Variants in ZNF536 observed in about 807,000 individuals in gnomAD.
ZNF536 encodes zinc finger protein 536.
A neutral mutation model predicts 84.5 loss-of-function variants in ZNF536; 13 were observed. The observed-to-expected ratio is 0.15, with a 90% CI of 0.10 to 0.24. The LOEUF (loss-of-function observed/expected upper bound fraction) is 0.24. ZNF536 is among the 10% of genes least tolerant of loss of function. The pLI, the probability that ZNF536 is intolerant of heterozygous loss-of-function variation, is 1.00. For missense variants in ZNF536, 1,536 were observed against 1,747.5 expected, an observed-to-expected ratio of 0.88 and a Z score of 2.16; for synonymous variants, 811 against 742.5, an observed-to-expected ratio of 1.09 and a Z score of -1.50.
chr19:30,705,841 T>C (rs1021996442), intron 1 of ZNF536, among the ~76,000 whole-genome samples: 3 of 152,220 alleles, frequency 2.0e-5, no homozygotes, highest in Non-Finnish European at 4.4e-5. Context: ...ATGAAACCAA[T>C]TCAATACTAA....
rs1311558883 is a variant in ZNF536, at chr19:30,228,991, A to G, written c.-190+318A>G. Among the ~76,000 whole-genome samples the G allele has an allele frequency of 6.6e-6, 1 of 151,422 alleles. No individual in the cohort carries two copies. The highest frequency in any genetic ancestry group is 2.4e-5 in the African/African-American group (1 of 41,188). On this transcript the variant is annotated intron_variant, in intron 1 of 5. Transcript: ENST00000585628. The surrounding 1 kb of genome is among the most constrained non-coding windows in gnomAD (Gnocchi z 4.5). ...CATCTTGCCTGGGTCGGGGGCGGGC[A>G]GTCGGTCCCAGTGGCCGCCGCTGAG... is the stretch of plus-strand genomic sequence containing the variant.
At chr19:30,362,162 C>A (rs1160175020) in intron 3 of ZNF536, among the ~76,000 whole-genome samples, 2 of 152,188 alleles carry the variant, frequency 1.3e-5, no homozygotes, top group Non-Finnish European at 2.9e-5. Flanking sequence ...GCCCAGCCTC[C>A]CTGGAACCAA....
intron 2 of ZNF536, among the ~76,000 whole-genome samples, chr19:30,347,126 A>C (rs2047771230): frequency 7.4e-6 from 1 of 134,436 alleles, no homozygotes; most frequent in Non-Finnish European, 1.6e-5. Context: ...TTTTTATATG[A>C]TTCTTGGCCG....
chr19:30,276,759 C>T (rs997126581), intron 1 of ZNF536, among the ~76,000 whole-genome samples: 7 of 152,018 alleles, frequency 4.6e-5, no homozygotes, highest in African/African-American at 9.7e-5. Context: ...ACTGTTAAAC[C>T]GTAAATTCCG....
chr19:30,664,222 CT>C (rs1880294430), intron 1 of ZNF536, among the ~76,000 whole-genome samples: 1 of 75,084 alleles, frequency 1.3e-5, no homozygotes, highest in Non-Finnish European at 2.5e-5. Flanking sequence ...CTCTCTCTCT[CT>C]CTCTCTCTCT....
At chr19:30,238,235 C>T (rs542115756) in intron 1 of ZNF536, among the ~76,000 whole-genome samples, 2 of 152,298 alleles carry the variant, frequency 1.3e-5, no homozygotes, top group South Asian at 4.1e-4. Context: ...GAAGAAGTGC[C>T]ATTCCTCCTT....
At chr19:30,488,908 C>A (rs562934101) in intron 2 of ZNF536, among the ~76,000 whole-genome samples, 1 of 152,266 alleles carries the variant, frequency 6.6e-6, no homozygotes, top group African/African-American at 2.4e-5. Context: ...TATTATTGTT[C>A]CTCATTTTGT....
chr19:30,356,773 C>T (rs190712964), intron 3 of ZNF536, among the ~76,000 whole-genome samples: 380 of 152,336 alleles, frequency 2.5e-3, no homozygotes, highest in Non-Finnish European at 4.2e-3. Flanking sequence ...GATATCATCT[C>T]AATTAATCCT....
chr19:30,685,227 C>A (rs916970169), intron 1 of ZNF536, among the ~76,000 whole-genome samples: 3 of 152,170 alleles, frequency 2.0e-5, no homozygotes, highest in Non-Finnish European at 4.4e-5. Flanking sequence ...TCTGAGGGTG[C>A]GACTGCACCC....
At chr19:30,345,130 G>T (rs551121359) in intron 2 of ZNF536, among the ~76,000 whole-genome samples, 1 of 152,134 alleles carries the variant, frequency 6.6e-6, no homozygotes, top group Admixed American at 6.5e-5. Flanking sequence ...ACAACCTTAC[G>T]TGGTAGGTAC....
rs2052360859 is a variant in ZNF536, at chr19:30,709,120, G to A, written c.170-1637G>A. ...TTTACCAGTTCCTCGAGATGGTAGAGTCTGTGCATGGCTGTGACGCATCAG... is the reference window on the plus strand; with the variant it reads ...TTTACCAGTTCCTCGAGATGGTAGAATCTGTGCATGGCTGTGACGCATCAG... On this transcript the variant is annotated intron_variant, in intron 1 of 1. Coordinates refer to the ZNF536 transcript ENST00000592773. Among the ~76,000 whole-genome samples, 3 of 152,298 alleles carry A rather than the reference G, an allele frequency of 2.0e-5. No homozygotes were observed. The South Asian group carries it at 6.2e-4, about 32-fold the overall frequency.
chr19:30,554,975 G>A (rs2045915590), intron 4 of ZNF536: 2 of 152,234 alleles, frequency 1.3e-5, no homozygotes, highest in African/African-American at 2.4e-5. Flanking sequence ...AGCCAGAGAT[G>A]TGAGAGAGAC....
At chr19:30,545,098 G>A (rs1424598242) in intron 3 of ZNF536, among the ~76,000 whole-genome samples, 3 of 152,196 alleles carry the variant, frequency 2.0e-5, no homozygotes, top group Non-Finnish European at 2.9e-5. Flanking sequence ...GAAAGATCCC[G>A]AAACCAAGTT....
At position 30,301,418 on chromosome 19, in the gene ZNF536, G is replaced by T. The variant is rs559635113; in HGVS notation, c.-120+17277G>T. On this transcript the variant is annotated intron_variant, in intron 2 of 5. Transcript: ENST00000585628. Reference sequence around the variant, plus strand: ...AAAGGGCGACAGAAGGGATGCCCTGGGTCCCTTCTGTTATCACTCTGGGTA... The same window carrying T: ...AAAGGGCGACAGAAGGGATGCCCTGTGTCCCTTCTGTTATCACTCTGGGTA... 7.9e-5 allele frequency among the ~76,000 whole-genome samples: 12 copies of T among 152,258 alleles called. 1 individual carries two copies. Among genetic ancestry groups the T allele is most frequent in the African/African-American group, 2.9e-4 (12 of 41,570 alleles).
chr19:30,504,420 TTTCCTTCC>T lies in ZNF536; in HGVS notation c.2171-30409_2171-30402del, dbSNP rs34403079. 2.4e-3 allele frequency among the ~76,000 whole-genome samples: 280 copies of T among 115,200 alleles called. 1 individual carries two copies. The highest frequency in any genetic ancestry group is 9.3e-3 in the African/African-American group (240 of 25,756). 75.6% of individuals were successfully genotyped at this position (115,200 alleles called of 152,430 possible). On this transcript the variant is annotated intron_variant, in intron 2 of 4. Transcript: ENST00000355537. ...TCTCTCCCTCCTTCTCTCCTCCCTC[TTTCCTTCC>T]TTCCTTCCTTCCTTCCTCCCTTCCT...
At chr19:30,414,337 A>G (rs1051641394) in intron 1 of ZNF536, among the ~76,000 whole-genome samples, 1 of 152,138 alleles carries the variant, frequency 6.6e-6, no homozygotes, top group African/African-American at 2.4e-5. Flanking sequence ...TTTCTTTTTT[A>G]TACATGATTT....
chr19:30,410,465 CTTTTTTTT>C (rs201561646), intron 1 of ZNF536, among the ~76,000 whole-genome samples: 1 of 122,626 alleles, frequency 8.2e-6, no homozygotes, highest in Non-Finnish European at 1.6e-5. Flanking sequence ...AAGTGAAGGT[CTTTTTTTT>C]TTTTTTTTTT....
intron 1 of ZNF536, among the ~76,000 whole-genome samples, chr19:30,635,456 T>C (rs999229773): frequency 2.6e-5 from 4 of 152,226 alleles, no homozygotes; most frequent in African/African-American, 9.6e-5. Flanking sequence ...CTCTCCAAGA[T>C]GGCTCCCTGC....
At chr19:30,523,821 G>A (rs2044464785) in intron 2 of ZNF536, among the ~76,000 whole-genome samples, 2 of 152,202 alleles carry the variant, frequency 1.3e-5, no homozygotes, top group East Asian at 3.9e-4. Flanking sequence ...GACCACAAGT[G>A]TGGTCAATGC....
Sources: gnomAD v4.1 joint callset for allele counts (sites outside exome capture counted in the v4.1 genomes callset) on GRCh38, gnomAD v4.1.1 for gene constraint, Gnocchi (gnomAD v3.1) non-coding constraint, MANE v1.5 for transcripts, NCBI Gene and HGNC (gene_info 2026-07-23, HGNC 2026-07-21) for gene names.